The following ATF6 variants were observed in gnomAD, a reference collection of about 807,000 sequenced individuals.
ATF6 encodes the protein activating transcription factor 6, also known as cyclic AMP-dependent transcription factor ATF-6 alpha.
In ATF6, 53 loss-of-function variants were observed where a neutral mutation model predicts 83.6. That is an observed-to-expected ratio of 0.63 (90% CI 0.51 to 0.80). ATF6 has a LOEUF of 0.80. ATF6 is among the 30% of genes least tolerant of loss of function. ATF6 has a pLI of 0.00. For missense variants in ATF6, 744 were observed against 797.9 expected (o/e 0.93, Z 0.81); for synonymous variants, 288 against 285.8 (o/e 1.01, Z -0.08).
At chr1:161,789,287 A>G (rs1224331273) in intron 4 of ATF6, among the ~76,000 whole-genome samples, 1 of 128,860 alleles carries the variant, frequency 7.8e-6, no homozygotes, top group South Asian at 2.3e-4. Context: ...TTACCCATTA[A>G]CAATCCCCAT....
intron 9 of ATF6, among the ~76,000 whole-genome samples, chr1:161,823,638 T>C (rs1223472667): frequency 6.6e-6 from 1 of 152,234 alleles, no homozygotes; most frequent in Admixed American, 6.5e-5. Flanking sequence ...GTCAAATCAA[T>C]AGTTTCATAA....
At chr1:161,769,997 G>A (rs1339839691) in intron 1 of ATF6, among the ~76,000 whole-genome samples, 1 of 152,114 alleles carries the variant, frequency 6.6e-6, no homozygotes, top group African/African-American at 2.4e-5. Context: ...AAGGTATAAT[G>A]ACATGTATCC....
At chr1:161,777,345 A>AT (rs1366150594) in intron 1 of ATF6, among the ~76,000 whole-genome samples, 7 of 152,224 alleles carry the variant, frequency 4.6e-5, no homozygotes, top group Middle Eastern at 3.4e-3. Context: ...CTACGTATAC[A>AT]TTTTTTTGCT....
chr1:161,834,937 A>G (rs1003697555), intron 9 of ATF6, among the ~76,000 whole-genome samples: 1 of 152,256 alleles, frequency 6.6e-6, no homozygotes, highest in Non-Finnish European at 1.5e-5. Flanking sequence ...ACTAAGGAAT[A>G]AAGTAACATT....
intron 1 of ATF6, among the ~76,000 whole-genome samples, chr1:161,777,276 C>G (rs1481395836): frequency 6.6e-6 from 1 of 152,196 alleles, no homozygotes; most frequent in South Asian, 2.1e-4. Context: ...TTATATGTTT[C>G]TTGGCTCTGC....
chr1:161,782,811 CTTAG>C (rs1684668116), intron 3 of ATF6, among the ~76,000 whole-genome samples: 1 of 112,626 alleles, frequency 8.9e-6, no homozygotes, highest in African/African-American at 3.4e-5. Flanking sequence ...CAAACTAAAT[CTTAG>C]TTGCTTAAAG....
chr1:161,893,853 GTTTC>G (rs1382806867), intron 14 of ATF6, among the ~76,000 whole-genome samples: 4 of 151,976 alleles, frequency 2.6e-5, no homozygotes, highest in African/African-American at 9.7e-5. Flanking sequence ...TCTTTTGCTT[GTTTC>G]TTTTACTCAA....
chr1:161,953,258 G>A (rs1179865640), intron 15 of ATF6, among the ~76,000 whole-genome samples: 2 of 152,126 alleles, frequency 1.3e-5, no homozygotes, highest in Non-Finnish European at 2.9e-5. Context: ...TGAATTATAT[G>A]AGATATAAGA....
chr1:161,931,236 C>T (rs114345539), intron 15 of ATF6, among the ~76,000 whole-genome samples: 1,907 of 152,202 alleles, frequency 0.013, 46 homozygotes, highest in African/African-American at 0.043. Flanking sequence ...AACAACTTAC[C>T]TCTAAACTAT....
At chr1:161,802,604 T>G (rs1215750462) in intron 7 of ATF6, among the ~76,000 whole-genome samples, 2 of 152,178 alleles carry the variant, frequency 1.3e-5, no homozygotes, top group African/African-American at 4.8e-5. Context: ...TCCACTAATA[T>G]TTTACAGATT....
At chr1:161,836,788 A>G (rs1686228124) in intron 9 of ATF6, among the ~76,000 whole-genome samples, 1 of 152,202 alleles carries the variant, frequency 6.6e-6, no homozygotes, top group African/African-American at 2.4e-5. Context: ...TCACTTGGCT[A>G]CTTTTTCCCC....
At chr1:161,788,137 T>A (rs1456856868) in intron 4 of ATF6, among the ~76,000 whole-genome samples, 1 of 152,214 alleles carries the variant, frequency 6.6e-6, no homozygotes, top group Non-Finnish European at 1.5e-5. Flanking sequence ...TGCTTCCATA[T>A]TTCTCTCCAG....
chr1:161,896,401 T>C (rs1325233788), intron 14 of ATF6, among the ~76,000 whole-genome samples: 1 of 152,234 alleles, frequency 6.6e-6, no homozygotes, highest in Admixed American at 6.5e-5. Context: ...CCAGCCTCCA[T>C]ATTGGATGAT....
chr1:161,855,549 A>C (rs1686737671), intron 12 of ATF6, among the ~76,000 whole-genome samples: 1 of 152,172 alleles, frequency 6.6e-6, no homozygotes, highest in Non-Finnish European at 1.5e-5. Context: ...CTGGAAGTTT[A>C]ATTTGTGGTG....
At position 161,963,280 on chromosome 1, in the gene ATF6, G is replaced by C. The variant is rs1465361044; in HGVS notation, c.*4626G>C. 6.6e-6 allele frequency: 1 copy of C among 152,174 alleles called. No individual in the cohort carries two copies. 9.4% of individuals were successfully genotyped at this position (152,174 alleles called of 1,614,324 possible). ...TTCGGCCATTTGTTCTAATATGTGT[G>C]TTATTAGATGCAATAGAATTTATGA... On this transcript the variant is annotated 3_prime_UTR_variant, in exon 16 of 16. Transcript: ENST00000367942.
At chr1:161,802,677 G>A (rs989844511) in intron 7 of ATF6, among the ~76,000 whole-genome samples, 2 of 152,036 alleles carry the variant, frequency 1.3e-5, no homozygotes, top group African/African-American at 2.4e-5. Flanking sequence ...TTACTTTTTA[G>A]GTAGGTTTTA....
chr1:161,894,650 C>T lies in ATF6; in HGVS notation c.1720-17646C>T, dbSNP rs369942413. ...CTACCAGGTTTAAGCAATTCTCTGC[C>T]TCAGCCTCCCGAGTAGCTGGGATTA... On this transcript the variant is annotated intron_variant, in intron 14 of 15. Coordinates refer to ENST00000367942, the MANE Select transcript of ATF6 (RefSeq NM_007348.4). 2.1e-5 allele frequency among the ~76,000 whole-genome samples: 3 copies of T among 144,376 alleles called. No homozygotes were observed. In the East Asian group the frequency reaches 6.3e-4, roughly 30 times the overall value. The allele number at this position is 144,376 out of a possible 152,430, so 94.7% of individuals were successfully genotyped here.
rs1460873921 is a variant in ATF6, at chr1:161,791,446, C to T, written c.393C>T (p.Pro131=). ...TGTCTTCTAGTTCTCAGATGTCTCCCCTTTCCTTATATGGTGAAAACTCTA... is the reference window on the plus strand; with the variant it reads ...TGTCTTCTAGTTCTCAGATGTCTCCTCTTTCCTTATATGGTGAAAACTCTA... The part of the protein sequence containing the change: ...LDLSSSSQMS[P]LSLYGENSNS... Residue 131 remains proline (P), a synonymous_variant, in exon 5 of 16, where the codon CCC becomes CCT. Coordinates refer to ENST00000367942, the MANE Select transcript of ATF6 (RefSeq NM_007348.4). 7 of 1,611,980 alleles carry T rather than the reference C, an allele frequency of 4.3e-6. No homozygotes were observed. Among genetic ancestry groups the T allele is most frequent in the East Asian group, 2.2e-5 (1 of 44,776 alleles).
intron 9 of ATF6, among the ~76,000 whole-genome samples, chr1:161,835,479 T>C (rs1686190733): frequency 6.6e-6 from 1 of 152,216 alleles, no homozygotes; most frequent in Admixed American, 6.5e-5. Context: ...CTGAAGTATG[T>C]CTAGGGTTGA....
Sources: allele counts gnomAD v4.1 joint callset (sites outside exome capture counted in the v4.1 genomes callset), GRCh38; gene constraint gnomAD v4.1.1; transcripts MANE v1.5; gene names NCBI Gene and HGNC (gene_info 2026-07-23, HGNC 2026-07-21).